GPC6: variants seen among roughly 807,000 people sequenced by gnomAD.
The protein encoded by GPC6 is glypican-6.
Under a neutral mutation model 55.2 loss-of-function variants are expected in GPC6, and 14 were observed. That is an observed-to-expected ratio of 0.25 (90% CI 0.17 to 0.40). The LOEUF is 0.40. Among genes scored for constraint, GPC6 ranks in the 10% least tolerant of loss-of-function variants. The probability of loss-of-function intolerance (pLI) is 1.00; values close to 1 mark genes in which losing one functional copy is unlikely to be tolerated. For synonymous variants in GPC6, 278 were observed against 259.6 expected, an observed-to-expected ratio of 1.07 and a Z score of -0.68; for missense variants, 641 against 708.5, an observed-to-expected ratio of 0.90 and a Z score of 1.08.
At chr13:93,274,077 A>C (rs1273750511) in intron 1 of GPC6, among the ~76,000 whole-genome samples, 1 of 152,130 alleles carries the variant, frequency 6.6e-6, no homozygotes, top group African/African-American at 2.4e-5. Flanking sequence ...TACAGGCGTG[A>C]GCCCCTGCAC....
intron 7 of GPC6, among the ~76,000 whole-genome samples, chr13:94,392,366 G>A (rs2389093): frequency 1.3e-5 from 2 of 148,810 alleles, no homozygotes; most frequent in Non-Finnish European, 3.0e-5. Context: ...CTTGGTACTT[G>A]GGGTGTGTAT....
intron 6 of GPC6, among the ~76,000 whole-genome samples, chr13:94,328,614 G>A (rs1355023426): frequency 6.6e-6 from 1 of 152,252 alleles, no homozygotes; most frequent in Non-Finnish European, 1.5e-5. Context: ...ACAGCCAGCA[G>A]CATGGCCCTG....
In GPC6 at chr13:94,398,648, A is replaced by G. The variant is rs749115933; in HGVS notation, c.1465+7A>G. The G allele has an allele frequency of 5.0e-6, 8 of 1,613,448 alleles. No homozygotes were observed. The highest frequency in any genetic ancestry group is 6.8e-6 in the Non-Finnish European group (8 of 1,179,536). ...GTCAATTTCCAGGACACAAGTAAGA[A>G]AATCCTTCCCAGCACCAGAAATTTT... On this transcript the variant is annotated splice_region_variant and intron_variant, in intron 8 of 8. Transcript: ENST00000377047.
rs886050354 is a variant in GPC6, at chr13:94,404,442, C to G, written c.*1225C>G. ...AATTCCAAGCTCAGGGTTGACACAC[C>G]TTTGTAAGAAAATGTTTTGTCAACC... On this transcript the variant is annotated 3_prime_UTR_variant, in exon 9 of 9. Transcript: ENST00000377047. The G allele has an allele frequency of 6.6e-6, 1 of 152,076 alleles. No homozygotes were observed. The highest frequency in any genetic ancestry group is 1.9e-4 in the East Asian group (1 of 5,184). 9.4% of individuals were successfully genotyped at this position (152,076 alleles called of 1,614,324 possible).
At chr13:93,603,706 GCATGCATA>G (rs1257003110) in intron 2 of GPC6, among the ~76,000 whole-genome samples, 4 of 152,264 alleles carry the variant, frequency 2.6e-5, no homozygotes, top group Middle Eastern at 6.8e-3. Flanking sequence ...TCAAACCTAA[GCATGCATA>G]CATGCATACA....
intron 2 of GPC6, among the ~76,000 whole-genome samples, chr13:93,729,700 A>G (rs763336314): frequency 7.9e-5 from 12 of 152,170 alleles, no homozygotes; most frequent in Non-Finnish European, 1.3e-4. Flanking sequence ...TTATGATTCA[A>G]CCATCCTAGT....
intron 6 of GPC6, among the ~76,000 whole-genome samples, chr13:94,347,116 A>T (rs1313967573): frequency 1.3e-5 from 2 of 152,124 alleles, no homozygotes; most frequent in African/African-American, 4.8e-5. Context: ...ACTGGGGGTG[A>T]TGTTATATTT....
chr13:93,669,747 C>T (rs559423432), intron 2 of GPC6, among the ~76,000 whole-genome samples: 225 of 152,184 alleles, frequency 1.5e-3, no homozygotes, highest in African/African-American at 4.3e-3. Context: ...GTCATTGAAA[C>T]TTCAGGCTAA....
chr13:93,690,580 A>G (rs1882224382), intron 2 of GPC6, among the ~76,000 whole-genome samples: 1 of 151,964 alleles, frequency 6.6e-6, no homozygotes, highest in Admixed American at 6.6e-5. Flanking sequence ...CATTTTCCCA[A>G]GAACGTCATT....
intron 1 of GPC6, among the ~76,000 whole-genome samples, chr13:93,356,803 G>A (rs1295309898): frequency 6.6e-6 from 1 of 152,166 alleles, no homozygotes; most frequent in African/African-American, 2.4e-5. Context: ...GCTGAGAAAT[G>A]TCAATAATGT....
chr13:94,090,427 A>G (rs1263695414), intron 4 of GPC6, among the ~76,000 whole-genome samples: 1 of 152,148 alleles, frequency 6.6e-6, no homozygotes, highest in African/African-American at 2.4e-5. Context: ...TCAATCAGCT[A>G]TAGACAAGTC....
chr13:93,324,717 A>T (rs532949644), intron 1 of GPC6, among the ~76,000 whole-genome samples: 2 of 151,776 alleles, frequency 1.3e-5, no homozygotes, highest in African/African-American at 4.8e-5. Flanking sequence ...TGTTAAGAGG[A>T]TTAAGTATTG....
In GPC6 at chr13:93,802,031, C is replaced by G. The variant is rs565709203; in HGVS notation, c.320-28123C>G. 1.7e-3 allele frequency among the ~76,000 whole-genome samples: 258 copies of G among 152,138 alleles called. 2 individuals are homozygous for G. The highest frequency in any genetic ancestry group is 5.7e-3 in the African/African-American group (235 of 41,490). ...CAATAGGTAGTATACTAAATTTCCC[C>G]CTTTGAGTAGGTATTTAAGAGATTA... On this transcript the variant is annotated intron_variant, in intron 2 of 8. Coordinates refer to ENST00000377047, the MANE Select transcript of GPC6 (RefSeq NM_005708.5).
chr13:93,890,538 A>T (rs1875611700), intron 3 of GPC6, among the ~76,000 whole-genome samples: 1 of 152,130 alleles, frequency 6.6e-6, no homozygotes, highest in South Asian at 2.1e-4. Flanking sequence ...GGGCACCATC[A>T]TGGGATAGTT....
chr13:93,618,726 A>G (rs995045480), intron 2 of GPC6, among the ~76,000 whole-genome samples: 9 of 152,186 alleles, frequency 5.9e-5, no homozygotes, highest in Non-Finnish European at 1.2e-4. Context: ...AAATGTATCA[A>G]TATTAATTCC....
intron 1 of GPC6, among the ~76,000 whole-genome samples, chr13:93,389,359 C>T (rs1875527815): frequency 6.6e-6 from 1 of 151,548 alleles, no homozygotes; most frequent in Non-Finnish European, 1.5e-5. Flanking sequence ...AAATAAATAG[C>T]CGGGCGTGGT....
intron 1 of GPC6, among the ~76,000 whole-genome samples, chr13:93,421,137 G>GCCTC: frequency 6.6e-6 from 1 of 152,246 alleles, no homozygotes; most frequent in East Asian, 1.9e-4. Context: ...ATCAGCTGCA[G>GCCTC]CCTCATTAGC....
At chr13:93,718,942 A>T (rs905058825) in intron 2 of GPC6, among the ~76,000 whole-genome samples, 1 of 151,872 alleles carries the variant, frequency 6.6e-6, no homozygotes, top group Admixed American at 6.6e-5. Context: ...ATTGTTCTAT[A>T]TATCTGTTTT....
At chr13:93,999,246 G>A (rs1881692056) in intron 3 of GPC6, among the ~76,000 whole-genome samples, 1 of 152,018 alleles carries the variant, frequency 6.6e-6, no homozygotes, top group East Asian at 1.9e-4. Context: ...TGTTCTCTTT[G>A]TTAAACTCCC....
Sources: gnomAD v4.1 joint callset for allele counts (sites outside exome capture counted in the v4.1 genomes callset) on GRCh38, gnomAD v4.1.1 for gene constraint, MANE v1.5 for transcripts, NCBI Gene and HGNC (gene_info 2026-07-23, HGNC 2026-07-21) for gene names.